Variants in TMEM242 observed in about 807,000 individuals in gnomAD.
The protein encoded by TMEM242 is UPF0463 transmembrane protein C6orf35.
A neutral mutation model predicts 18.2 loss-of-function variants in TMEM242; 10 were observed. The observed-to-expected ratio is 0.55, with a 90% CI of 0.34 to 0.93. The LOEUF is 0.93. Among genes scored for constraint, TMEM242 ranks in the 40% least tolerant of loss-of-function variants. The probability of loss-of-function intolerance (pLI) is 0.02; values close to 1 mark genes in which losing one functional copy is unlikely to be tolerated. For missense variants in TMEM242, 186 were observed against 175.5 expected, an observed-to-expected ratio of 1.06 and a Z score of -0.34; for synonymous variants, 57 against 69.9, an observed-to-expected ratio of 0.81 and a Z score of 0.92.
At chr6:157,309,028 A>G (rs1324239230) in intron 3 of TMEM242, among the ~76,000 whole-genome samples, 1 of 152,250 alleles carries the variant, frequency 6.6e-6, no homozygotes, top group Non-Finnish European at 1.5e-5. Context: ...GAGACTGATT[A>G]AATAGATTAT....
intron 3 of TMEM242, among the ~76,000 whole-genome samples, chr6:157,313,427 G>T (rs9393150): frequency 1.5e-3 from 5 of 3,300 alleles, no homozygotes; most frequent in Non-Finnish European, 1.7e-3. Flanking sequence ...GCGCTCACCT[G>T]GCCTCATCAT....
intron 3 of TMEM242, among the ~76,000 whole-genome samples, chr6:157,294,106 T>C (rs1388107603): frequency 6.6e-6 from 1 of 152,116 alleles, no homozygotes; most frequent in Non-Finnish European, 1.5e-5. Context: ...CCCCATAAGG[T>C]GGGAACACTA....
At chr6:157,310,556 C>G in intron 3 of TMEM242, among the ~76,000 whole-genome samples, 1 of 145,428 alleles carries the variant, frequency 6.9e-6, no homozygotes, top group Non-Finnish European at 1.5e-5. Flanking sequence ...GCTCACCTAG[C>G]CTCATCATAG....
chr6:157,299,958 C>A, intron 3 of TMEM242: 4 of 1,568,936 alleles, frequency 2.5e-6, no homozygotes, highest in Non-Finnish European at 2.6e-6. Flanking sequence ...CTGTGATGAG[C>A]GGGCTCCTCG....
chr6:157,313,070 C>G (rs1554249596), intron 3 of TMEM242, among the ~76,000 whole-genome samples: 3,042 of 127,626 alleles, frequency 0.024, 18 homozygotes, highest in East Asian at 0.046. Context: ...ATCATAGGGT[C>G]CCAGTATGCA....
chr6:157,296,689 A>G (rs908891184), intron 3 of TMEM242, among the ~76,000 whole-genome samples: 2 of 152,132 alleles, frequency 1.3e-5, no homozygotes, highest in African/African-American at 4.8e-5. Flanking sequence ...TCTCAAAAGA[A>G]ACCAAAACTA....
At chr6:157,301,997 G>A (rs587706389) in intron 3 of TMEM242, among the ~76,000 whole-genome samples, 1 of 152,226 alleles carries the variant, frequency 6.6e-6, no homozygotes, top group South Asian at 2.1e-4. Flanking sequence ...GGTGAGGGTG[G>A]GAAAGGTGTG....
In TMEM242 at chr6:157,305,440, G is replaced by C. The variant is rs748866365; in HGVS notation, c.328-12441C>G. ...AATCAAGTGCTCTAGTTGGGACATGGGTCATGTGACACGCCTATGAGGGCG... is the reference window on the plus strand; with the variant it reads ...AATCAAGTGCTCTAGTTGGGACATGCGTCATGTGACACGCCTATGAGGGCG... On this transcript the variant is annotated intron_variant, in intron 3 of 3. Coordinates refer to ENST00000400788, the MANE Select transcript of TMEM242 (RefSeq NM_018452.6). The surrounding 1 kb of genome is among the most constrained non-coding windows in gnomAD (Gnocchi z 4.1). Among the ~76,000 whole-genome samples the C allele has an allele frequency of 1.5e-4, 23 of 152,086 alleles. No homozygotes were observed. The highest frequency in any genetic ancestry group is 2.8e-4 in the Non-Finnish European group (19 of 68,022).
chr6:157,290,941 A>G lies in TMEM242; in HGVS notation c.*1960T>C, dbSNP rs1447346753. 1 of 152,262 alleles carries G rather than the reference A, an allele frequency of 6.6e-6. No individual in the cohort carries two copies. The highest frequency in any genetic ancestry group is 1.9e-4 in the East Asian group (1 of 5,192). 9.4% of individuals were successfully genotyped at this position (152,262 alleles called of 1,614,324 possible). A position where few individuals can be genotyped will look rare whatever the true frequency, so the allele number is the denominator to read the frequency against. On this transcript the variant is annotated 3_prime_UTR_variant, in exon 4 of 4. Transcript: ENST00000400788. ...CACTCTAGTATTAGGACACTCTTTC[A>G]GCAACATATGTCTAGGCCTCCTCTG...
intron 3 of TMEM242, among the ~76,000 whole-genome samples, chr6:157,300,889 TG>T (rs1191411476): frequency 6.6e-6 from 1 of 152,208 alleles, no homozygotes; most frequent in Non-Finnish European, 1.5e-5. Context: ...GTCCTTAAAA[TG>T]GCAAGTTTCA....
chr6:157,320,430 T>C (rs1234412451), intron 2 of TMEM242, among the ~76,000 whole-genome samples: 19 of 152,346 alleles, frequency 1.2e-4, no homozygotes, highest in African/African-American at 4.6e-4. Context: ...AAAACAAAAC[T>C]GTGCAAAGAG....
rs1214964668 is a variant in TMEM242, at chr6:157,291,010, CTCCT to C, written c.*1887_*1890del. 1 of 152,414 alleles carries C rather than the reference CTCCT, an allele frequency of 6.6e-6. No individual in the cohort carries two copies. Among genetic ancestry groups the C allele is most frequent in the Non-Finnish European group, 1.5e-5 (1 of 68,170 alleles). 9.4% of individuals were successfully genotyped at this position (152,414 alleles called of 1,614,324 possible). On this transcript the variant is annotated 3_prime_UTR_variant, in exon 4 of 4. Transcript: ENST00000400788. ...GCAGAGCCCCCACCATGGCCCCTGGCTCCTTCCTAGGGCCTAGCTGCCATCAGCC... is the reference window on the plus strand; with the variant it reads ...GCAGAGCCCCCACCATGGCCCCTGGCTCCTAGGGCCTAGCTGCCATCAGCC...
intron 3 of TMEM242, among the ~76,000 whole-genome samples, chr6:157,311,421 C>CCTA (rs1778087499): frequency 8.1e-6 from 1 of 123,822 alleles, no homozygotes; most frequent in African/African-American, 3.0e-5. Flanking sequence ...CCAGTGTGCA[C>CCTA]GCATACGGCC....
At chr6:157,314,316 C>T (rs2128417235) in intron 3 of TMEM242, among the ~76,000 whole-genome samples, 1 of 151,978 alleles carries the variant, frequency 6.6e-6, no homozygotes, top group Non-Finnish European at 1.5e-5. Context: ...CTGGCCTCAT[C>T]ATAGTGTCCC....
chr6:157,309,729 A>G (rs1554248160), intron 3 of TMEM242, among the ~76,000 whole-genome samples: 3 of 151,420 alleles, frequency 2.0e-5, no homozygotes, highest in Non-Finnish European at 4.4e-5. Context: ...GTAAAAAAAC[A>G]AATCAAAAAC....
At chr6:157,321,737 C>G (rs1554250758) in intron 2 of TMEM242, among the ~76,000 whole-genome samples, 1 of 152,144 alleles carries the variant, frequency 6.6e-6, no homozygotes, top group African/African-American at 2.4e-5. Context: ...CAGAGAATCC[C>G]TAGTTTTCAT....
At chr6:157,314,812 A>G (rs1202454350) in intron 3 of TMEM242, among the ~76,000 whole-genome samples, 2 of 152,266 alleles carry the variant, frequency 1.3e-5, no homozygotes, top group African/African-American at 4.8e-5. Context: ...TACTTTAAAG[A>G]AACCGAAGTT....
intron 2 of TMEM242, among the ~76,000 whole-genome samples, chr6:157,320,693 A>G (rs1379299673): frequency 2.0e-5 from 3 of 151,900 alleles, no homozygotes; most frequent in African/African-American, 7.3e-5. Context: ...CTGGTCTCAA[A>G]CTCCTGGCCT....
intron 3 of TMEM242, among the ~76,000 whole-genome samples, chr6:157,312,236 A>C (rs1293212952): frequency 8.2e-6 from 1 of 121,254 alleles, no homozygotes; most frequent in Non-Finnish European, 1.7e-5. Flanking sequence ...CCCAGTGTAC[A>C]CTCATCTAGC....
Sources: gnomAD v4.1 joint callset for allele counts (sites outside exome capture counted in the v4.1 genomes callset) on GRCh38, gnomAD v4.1.1 for gene constraint, Gnocchi (gnomAD v3.1) non-coding constraint, MANE v1.5 for transcripts, NCBI Gene and HGNC (gene_info 2026-07-23, HGNC 2026-07-21) for gene names.